Variants in GAD2 observed in about 807,000 individuals in gnomAD.
GAD2 encodes glutamate decarboxylase 2, also known as 65 kDa glutamic acid decarboxylase.
GAD2 carries 22 observed loss-of-function variants against 80.1 expected under a neutral mutation model. The observed-to-expected ratio is 0.27, with a 90% confidence interval of 0.20 to 0.39. The LOEUF is 0.39. GAD2 is among the 10% of genes least tolerant of loss of function. The pLI, the probability that GAD2 is intolerant of heterozygous loss-of-function variation, is 1.00. For missense variants in GAD2, 624 were observed against 738.4 expected (o/e 0.85, Z 1.80); for synonymous variants, 274 against 256.9 (o/e 1.07, Z -0.64).
At position 26,224,634 on chromosome 10, in the gene GAD2, A is replaced by G. The variant is rs746055295; in HGVS notation, c.707A>G (p.Asp236Gly). Residue 236 changes from aspartate to glycine, a missense_variant, in exon 6 of 16, where the codon GAT becomes GGT. Physicochemically the swap from Asp to Gly is moderately conservative, Grantham distance 94 (BLOSUM62 -1). Coordinates refer to ENST00000376261, the MANE Select transcript of GAD2 (RefSeq NM_001134366.2). ...EIIGWPGGSG[D>G]GIFSPGGAIS... is the part of the protein sequence containing the mutation. Reference sequence around the variant, plus strand: ...ATTGGCTGGCCAGGGGGCTCTGGCGATGGGATATTTTCTCCCGGTACATGA... The same window carrying G: ...ATTGGCTGGCCAGGGGGCTCTGGCGGTGGGATATTTTCTCCCGGTACATGA... 1.8e-5 allele frequency: 29 copies of G among 1,611,472 alleles called. No individual in the cohort carries two copies. The highest frequency in any genetic ancestry group is 2.3e-5 in the Non-Finnish European group (27 of 1,177,758).
intron 7 of GAD2, among the ~76,000 whole-genome samples, chr10:26,234,190 G>T (rs1269420014): frequency 6.6e-6 from 1 of 152,062 alleles, no homozygotes; most frequent in East Asian, 1.9e-4. Context: ...CAGGTATGTT[G>T]GTTGGCGCCT....
At chr10:26,298,457 G>A (rs568575617) in intron 15 of GAD2, among the ~76,000 whole-genome samples, 18 of 152,224 alleles carry the variant, frequency 1.2e-4, no homozygotes, top group African/African-American at 3.9e-4. Context: ...AGCTTGCTTC[G>A]GGAACTGAGG....
intron 9 of GAD2, among the ~76,000 whole-genome samples, chr10:26,270,386 C>CTACA (rs2132304804): frequency 6.6e-6 from 1 of 152,306 alleles, no homozygotes; most frequent in South Asian, 2.1e-4. Context: ...TCTGGGTTCA[C>CTACA]TACAGCCTCT....
intron 13 of GAD2, among the ~76,000 whole-genome samples, chr10:26,287,833 A>G (rs763302874): frequency 6.6e-6 from 1 of 152,164 alleles, no homozygotes; most frequent in Non-Finnish European, 1.5e-5. Flanking sequence ...GAGGTCCTTT[A>G]TGCTTGGTGG....
chr10:26,301,647 A>G lies in GAD2; in HGVS notation c.*686A>G, dbSNP rs1268293899. The G allele has an allele frequency of 6.6e-6, 1 of 152,224 alleles. No individual in the cohort carries two copies. Among genetic ancestry groups the G allele is most frequent in the Non-Finnish European group, 1.5e-5 (1 of 68,044 alleles). 9.4% of individuals were successfully genotyped at this position (152,224 alleles called of 1,614,324 possible). A position where few individuals can be genotyped will look rare whatever the true frequency, so the allele number is the denominator to read the frequency against. ...TGAAACATTGACCCACGAAATTCTT[A>G]AAAGGTATTATTGCTTCTTTCTATA... is the stretch of plus-strand genomic sequence containing the variant. On this transcript the variant is annotated 3_prime_UTR_variant, in exon 16 of 16. Coordinates refer to ENST00000376261, the MANE Select transcript of GAD2 (RefSeq NM_001134366.2).
rs1272541116 is a variant in GAD2, at chr10:26,303,458, G to GGAAGGGAAGGA, written c.*2498_*2499insAAGGGAAGGAG. 20 of 139,700 alleles carry GGAAGGGAAGGA rather than the reference G, an allele frequency of 1.4e-4. No individual in the cohort carries two copies. Among genetic ancestry groups the GGAAGGGAAGGA allele is most frequent in the African/African-American group, 5.3e-4 (20 of 37,660 alleles). 8.7% of individuals were successfully genotyped at this position (139,700 alleles called of 1,614,324 possible). A position where few individuals can be genotyped will look rare whatever the true frequency, so the allele number is the denominator to read the frequency against. On this transcript the variant is annotated 3_prime_UTR_variant, in exon 16 of 16. Coordinates refer to ENST00000376261, the MANE Select transcript of GAD2 (RefSeq NM_001134366.2). ...AGTAAGGGAGGAAGGGAGGGAGGGA[G>GGAAGGGAAGGA]GGAGGGAGGGAAGGAGGGAGGGAGG...
rs954899871 is a variant in GAD2 at position 26,269,030 on chromosome 10, G to T, written c.921-89G>T. ...CGAGTATTGTTATCAACAGTTTGGG[G>T]TTGGACTTTACCCTCCTGCGGCCAC... On this transcript the variant is annotated intron_variant, in intron 8 of 15. Coordinates refer to ENST00000376261, the MANE Select transcript of GAD2 (RefSeq NM_001134366.2). 2.4e-5 allele frequency: 21 copies of T among 878,324 alleles called. No homozygotes were observed. The African/African-American group carries it at 2.7e-4, about 11-fold the overall frequency. 54.4% of individuals were successfully genotyped at this position (878,324 alleles called of 1,614,324 possible).
At chr10:26,231,016 G>A (rs1844594331) in intron 7 of GAD2, among the ~76,000 whole-genome samples, 1 of 152,120 alleles carries the variant, frequency 6.6e-6, no homozygotes, top group South Asian at 2.1e-4. Flanking sequence ...CTTGAACCGA[G>A]GAGGCAAAGG....
intron 8 of GAD2, among the ~76,000 whole-genome samples, chr10:26,249,127 G>A (rs61365721): frequency 0.063 from 9,659 of 152,134 alleles, 1,035 homozygotes; most frequent in African/African-American, 0.22. Context: ...CAGTGGTGCT[G>A]TCTCGGCTCA....
intron 6 of GAD2, among the ~76,000 whole-genome samples, chr10:26,225,757 C>A (rs1452134768): frequency 6.6e-6 from 1 of 152,158 alleles, no homozygotes; most frequent in East Asian, 1.9e-4. Flanking sequence ...ATATATAGCA[C>A]AATTTTTCAG....
At chr10:26,257,715 A>G (rs1844960957) in intron 8 of GAD2, among the ~76,000 whole-genome samples, 1 of 152,240 alleles carries the variant, frequency 6.6e-6, no homozygotes, top group African/African-American at 2.4e-5. Context: ...CCAGCTTTAT[A>G]AATTACAGTT....
chr10:26,269,944 T>C (rs1845114764), intron 9 of GAD2, among the ~76,000 whole-genome samples: 1 of 152,214 alleles, frequency 6.6e-6, no homozygotes, highest in Admixed American at 6.5e-5. Flanking sequence ...GATTAAACCT[T>C]TGCTGCCACC....
intron 8 of GAD2, 102 bp downstream of exon 8, chr10:26,246,102 C>T: frequency 1.2e-6 from 1 of 820,240 alleles, no homozygotes; most frequent in Non-Finnish European, 2.0e-6. Context: ...GGCAGCAAGT[C>T]CACCTCCCTC....
chr10:26,218,226 C>T (rs1374371700), intron 3 of GAD2: 8 of 413,244 alleles, frequency 1.9e-5, no homozygotes, highest in Non-Finnish European at 3.4e-5. Context: ...GCGCTCTTCC[C>T]CCAGCGCGGC....
chr10:26,262,836 C>T (rs1845024363), intron 8 of GAD2, among the ~76,000 whole-genome samples: 1 of 149,690 alleles, frequency 6.7e-6, no homozygotes, highest in Admixed American at 6.7e-5. Flanking sequence ...TAACTTGAAC[C>T]TTTTATCATA....
rs1564653799 is a variant in GAD2 at position 26,216,967 on chromosome 10, G to GT, written c.76+87dup. On this transcript the variant is annotated intron_variant, in intron 1 of 15. Coordinates refer to ENST00000376261, the MANE Select transcript of GAD2 (RefSeq NM_001134366.2). The surrounding 1 kb of genome is among the most constrained non-coding windows in gnomAD (Gnocchi z 4.7). ...CGGAACTACGGAGAAGACGAAGGAG[G>GT]TTTTTCCACCTGCAACAGGAAACTT... is the stretch of plus-strand genomic sequence containing the variant. 1 of 1,266,470 alleles carries GT rather than the reference G, an allele frequency of 7.9e-7. No homozygotes were observed. The highest frequency in any genetic ancestry group is 1.1e-6 in the Non-Finnish European group (1 of 888,982). 78.5% of individuals were successfully genotyped at this position (1,266,470 alleles called of 1,614,324 possible). A position where few individuals can be genotyped will look rare whatever the true frequency, so the allele number is the denominator to read the frequency against.
chr10:26,228,536 A>AC (rs1844557894), intron 6 of GAD2, among the ~76,000 whole-genome samples: 1 of 152,102 alleles, frequency 6.6e-6, no homozygotes, highest in Non-Finnish European at 1.5e-5. Flanking sequence ...GGGGTCCCCA[A>AC]CCCCCTGGTG....
intron 11 of GAD2, among the ~76,000 whole-genome samples, chr10:26,276,556 G>C (rs1230851032): frequency 1.3e-5 from 2 of 151,844 alleles, no homozygotes; most frequent in African/African-American, 4.8e-5. Flanking sequence ...CAATTTGTTT[G>C]TTTGTATTTT....
Position 26,256,802 on chromosome 10 carries a change from A to G in GAD2, c.920+10802A>G, listed in dbSNP as rs201247166. 2.5e-4 allele frequency among the ~76,000 whole-genome samples: 38 copies of G among 152,156 alleles called. No individual in the cohort carries two copies. The East Asian group carries it at 6.8e-3, about 27-fold the overall frequency. On this transcript the variant is annotated intron_variant, in intron 8 of 15. Coordinates refer to ENST00000376261, the MANE Select transcript of GAD2 (RefSeq NM_001134366.2). ...CAGGTCACTCCGCTATGAAATGACT[A>G]TTTTCTCCTTTGCAGTTAATAAGTA...
Sources: gnomAD v4.1 joint callset for allele counts (sites outside exome capture counted in the v4.1 genomes callset) on GRCh38, gnomAD v4.1.1 for gene constraint, Gnocchi (gnomAD v3.1) non-coding constraint, MANE v1.5 for transcripts, NCBI Gene and HGNC (gene_info 2026-07-23, HGNC 2026-07-21) for gene names.